The following GMPR2 variants were observed in gnomAD, a reference collection of about 807,000 sequenced individuals.
GMPR2 encodes the protein GMP reductase 2.
A neutral mutation model predicts 38.5 loss-of-function variants in GMPR2; 32 were observed. The ratio of observed to expected loss-of-function variants is 0.83; its 90% CI spans 0.63 to 1.12. The LOEUF is 1.12. Ranked by LOEUF, GMPR2 falls within the 50% of genes most tolerant of loss-of-function variation. GMPR2 has a pLI of 0.00. For missense variants in GMPR2, 396 were observed against 432.1 expected (o/e 0.92, Z 0.74); for synonymous variants, 154 against 151.0 (o/e 1.02, Z -0.15).
In GMPR2 at chr14:24,235,766, C is replaced by T. The variant is rs1441336686; in HGVS notation, c.237C>T (p.His79=). 2 of 1,613,746 alleles carry T rather than the reference C, an allele frequency of 1.2e-6. No individual in the cohort carries two copies. Among genetic ancestry groups the T allele is most frequent in the South Asian group, 2.2e-5 (2 of 91,076 alleles). The change falls in exon 4 of 10, where the codon CAC becomes CAT. Residue 79 remains histidine (H), a synonymous_variant. Coordinates refer to ENST00000399440, the MANE Select transcript of GMPR2 (RefSeq NM_001002002.3). ...CTCTCTTCACTGCTGTCCATAAGCA[C>T]TATAGCCTCGTTCAGTGGCAAGAGT... ...KFSLFTAVHK[H]YSLVQWQEFA... is the part of the protein sequence containing the mutation.
At chr14:24,235,092 G>C (rs907241085) in intron 3 of GMPR2, among the ~76,000 whole-genome samples, 1 of 152,244 alleles carries the variant, frequency 6.6e-6, no homozygotes, top group African/African-American at 2.4e-5. Context: ...TTGAGCTAGA[G>C]AATATGAGTT....
In GMPR2 at chr14:24,237,311, G is replaced by A. The variant is rs2040393875; in HGVS notation, c.614G>A (p.Cys205Tyr). Residue 205 changes from cysteine to tyrosine, a missense_variant, in exon 7 of 10, where the codon TGT becomes TAT. Transcript: ENST00000399440. ...GYPQLSAVME[C>Y]ADAAHGLKGH... The stretch of plus-strand genomic sequence containing the variant: ...CCACAGCTCAGCGCAGTGATGGAGT[G>A]TGCAGATGCTGCTCATGGCCTCAAA... 2 of 1,611,964 alleles carry A rather than the reference G, an allele frequency of 1.2e-6. No individual in the cohort carries two copies. The highest frequency in any genetic ancestry group is 2.7e-5 in the African/African-American group (2 of 74,908).
chr14:24,232,734 G>A, upstream of GMPR2: 1 of 225,018 alleles, frequency 4.4e-6, no homozygotes, highest in Non-Finnish European at 9.0e-6. Flanking sequence ...AGTTCTCGCC[G>A]GCAACTAGAG....
chr14:24,236,112 G>A lies in GMPR2; in HGVS notation c.437G>A (p.Arg146Gln), dbSNP rs771838058. 8.7e-6 allele frequency: 14 copies of A among 1,613,404 alleles called. No homozygotes were observed. The highest frequency in any genetic ancestry group is 6.7e-5 in the East Asian group (3 of 44,902). Residue 146 changes from arginine (R) to glutamine (Q), a missense_variant, in exon 5 of 10, where the codon CGG becomes CAG. Transcript: ENST00000399440. The stretch of plus-strand genomic sequence containing the variant: ...TTTGTTGAATTTGTAAAAGATGTAC[G>A]GAAGCGCTTCCCCCAGCACACCATC... The part of the protein sequence containing the change: ...EHFVEFVKDV[R>Q]KRFPQHTIMA...
At chr14:24,234,177 C>T in intron 3 of GMPR2, 1 of 1,289,058 alleles carries the variant, frequency 7.8e-7, no homozygotes, top group South Asian at 1.2e-5. Context: ...AAGTTGTTCA[C>T]TTTGAAATGG....
chr14:24,237,486 C>T (rs751595019), intron 7 of GMPR2, 34 bp from the exon 8 acceptor site: 2 of 1,609,690 alleles, frequency 1.2e-6, no homozygotes, highest in Non-Finnish European at 1.7e-6. Flanking sequence ...CTTGGGAAAT[C>T]CATGTTGTAT....
At chr14:24,236,195 G>A (rs1399502792) in intron 5 of GMPR2, 55 bp downstream of exon 5, 48 of 1,335,916 alleles carry the variant, frequency 3.6e-5, no homozygotes, top group African/African-American at 1.0e-4. Context: ...CTGCCACTCC[G>A]TTTTGCTACA....
rs542818959 is a variant in GMPR2, at chr14:24,235,836, C to A, written c.291+16C>A. 4 of 1,602,664 alleles carry A rather than the reference C, an allele frequency of 2.5e-6. No individual in the cohort carries two copies. In the East Asian group the frequency reaches 8.9e-5, roughly 36 times the overall value. The stretch of plus-strand genomic sequence containing the variant: ...CTGTCTTGAGGTAACACTGGGCATA[C>A]CCTGCTCCCTTCCTTATCCCAGTTT... On this transcript the variant is annotated intron_variant, in intron 4 of 9. Coordinates refer to ENST00000399440, the MANE Select transcript of GMPR2 (RefSeq NM_001002002.3).
In GMPR2 at chr14:24,232,929, C is replaced by G; in HGVS notation, c.-84C>G. 6 of 480,458 alleles carry G rather than the reference C, an allele frequency of 1.2e-5. No homozygotes were observed. In the South Asian group the frequency reaches 1.6e-4, roughly 13 times the overall value. The allele number at this position is 480,458 out of a possible 1,614,324, so 29.8% of individuals were successfully genotyped here. A position where few individuals can be genotyped will look rare whatever the true frequency, so the allele number is the denominator to read the frequency against. Reference sequence around the variant, plus strand: ...CATTCCTTCGTTCCCCTAAATCAGCCTCTTGCCCCATTGCTCTTTGCAGGG... The same window carrying G: ...CATTCCTTCGTTCCCCTAAATCAGCGTCTTGCCCCATTGCTCTTTGCAGGG... On this transcript the variant is annotated 5_prime_UTR_variant, in exon 1 of 10. Transcript: ENST00000399440.
chr14:24,235,867 C>G (rs1266806594), intron 4 of GMPR2, 47 bp downstream of exon 4: 1 of 1,587,878 alleles, frequency 6.3e-7, no homozygotes, highest in Admixed American at 1.7e-5. Flanking sequence ...AGTTTTCCAG[C>G]AATTATATTT....
At chr14:24,232,849 T>G (rs1205132761), upstream of GMPR2, 1 of 282,618 alleles carries the variant, frequency 3.5e-6, no homozygotes, top group Non-Finnish European at 6.8e-6. Flanking sequence ...CAACAGGAAG[T>G]GAGTACCTCT....
chr14:24,238,495 T>C, intron 9 of GMPR2, 90 bp downstream of exon 9: 2 of 1,614,022 alleles, frequency 1.2e-6, no homozygotes, highest in South Asian at 1.1e-5. Context: ...CAGAGAAGCA[T>C]GGTGAACCGG....
At chr14:24,237,217 A>G (rs1195406323) in intron 6 of GMPR2, 28 bp from the exon 7 acceptor site, 2 of 1,565,210 alleles carry the variant, frequency 1.3e-6, no homozygotes, top group Non-Finnish European at 1.8e-6. Context: ...GGAGCACGTC[A>G]TTCTTACCCT....
chr14:24,235,844 C>A (rs763711938), intron 4 of GMPR2, 24 bp downstream of exon 4: 1 of 1,597,474 alleles, frequency 6.3e-7, no homozygotes, highest in South Asian at 1.1e-5. Flanking sequence ...TACCCTGCTC[C>A]CTTCCTTATC....
In GMPR2 at chr14:24,233,232, C is replaced by T. The variant is rs1171529812; in HGVS notation, c.-22C>T. ...CCTGCCTTCCAGCCCTCAGATTCAT[C>T]GCTACCCCGAGGCTAAGCGCCATGC... On this transcript the variant is annotated 5_prime_UTR_variant, in exon 2 of 10. Transcript: ENST00000399440. 2 of 1,613,716 alleles carry T rather than the reference C, an allele frequency of 1.2e-6. No homozygotes were observed. The highest frequency in any genetic ancestry group is 1.7e-6 in the Non-Finnish European group (2 of 1,180,010).
intron 7 of GMPR2, 79 bp from the exon 8 acceptor site, chr14:24,237,441 G>A (rs1366566759): frequency 6.5e-7 from 1 of 1,535,740 alleles, no homozygotes; most frequent in African/African-American, 1.4e-5. Flanking sequence ...GGTTCTTGTT[G>A]GCTTTGAGTT....
At chr14:24,237,689 T>C (rs2040413270) in intron 8 of GMPR2, 127 bp downstream of exon 8, 1 of 872,890 alleles carries the variant, frequency 1.1e-6, no homozygotes, top group East Asian at 2.4e-5. Flanking sequence ...AATTAGTGAC[T>C]CCGAAGTCTA....
chr14:24,238,055 T>C (rs2138979933), intron 8 of GMPR2, 191 bp from the exon 9 acceptor site: 2 of 550,922 alleles, frequency 3.6e-6, no homozygotes, highest in Non-Finnish European at 6.4e-6. Context: ...CTTGGGGAAA[T>C]CATACCCACT....
At chr14:24,238,509 T>C (rs763708185) in intron 9 of GMPR2, 80 bp from the exon 10 acceptor site, 4 of 1,613,952 alleles carry the variant, frequency 2.5e-6, no homozygotes, top group Non-Finnish European at 3.4e-6. Context: ...GAACCGGGGC[T>C]CAATGCTAGG....
Sources: allele counts gnomAD v4.1 joint callset (sites outside exome capture counted in the v4.1 genomes callset), GRCh38; gene constraint gnomAD v4.1.1; transcripts MANE v1.5; gene names NCBI Gene and HGNC (gene_info 2026-07-23, HGNC 2026-07-21).